The following SPECC1 variants were observed in gnomAD, a reference collection of about 807,000 sequenced individuals.
SPECC1 encodes the protein cytospin-B.
SPECC1 carries 62 observed loss-of-function variants against 104.1 expected under a neutral mutation model. That is an observed-to-expected ratio of 0.60 (90% CI 0.49 to 0.74). SPECC1 has a LOEUF of 0.74. Ranked by LOEUF, SPECC1 falls within the 30% of genes least tolerant of loss-of-function variation. SPECC1 has a pLI of 0.00. For missense variants in SPECC1, 1,306 were observed against 1,310.5 expected (o/e 1.00, Z 0.05); for synonymous variants, 513 against 501.6 (o/e 1.02, Z -0.30).
intron 8 of SPECC1, among the ~76,000 whole-genome samples, chr17:20,246,459 C>A (rs2018032): frequency 6.6e-6 from 1 of 152,198 alleles, no homozygotes; most frequent in Admixed American, 6.5e-5. Flanking sequence ...CATCACATCT[C>A]TGCACCTGGC....
At chr17:20,135,831 C>T (rs545471235) in intron 3 of SPECC1, among the ~76,000 whole-genome samples, 2 of 152,254 alleles carry the variant, frequency 1.3e-5, no homozygotes, top group Non-Finnish European at 2.9e-5. Flanking sequence ...AAGACTTGCA[C>T]GTAGTCAATG....
chr17:20,052,659 G>A (rs1192632107), intron 1 of SPECC1, among the ~76,000 whole-genome samples: 1 of 152,152 alleles, frequency 6.6e-6, no homozygotes, highest in Non-Finnish European at 1.5e-5. Context: ...AGGTTCTCAG[G>A]CCTAACTGAA....
At chr17:20,188,573 G>A (rs922647218) in intron 3 of SPECC1, among the ~76,000 whole-genome samples, 3 of 152,050 alleles carry the variant, frequency 2.0e-5, no homozygotes, top group Non-Finnish European at 4.4e-5. Context: ...CACCGTGCCC[G>A]GCTTGTATTA....
chr17:20,256,052 T>C (rs1292860456), intron 10 of SPECC1, among the ~76,000 whole-genome samples: 2 of 152,016 alleles, frequency 1.3e-5, no homozygotes, highest in African/African-American at 4.8e-5. Context: ...TAATTTTTTG[T>C]ATTTTTAGTA....
At chr17:20,138,269 T>TA (rs1308188638) in intron 3 of SPECC1, among the ~76,000 whole-genome samples, 1 of 152,118 alleles carries the variant, frequency 6.6e-6, no homozygotes, top group Non-Finnish European at 1.5e-5. Context: ...GCTTGAGTCT[T>TA]AATTTTTTTT....
chr17:20,311,412 T>C (rs774293440), intron 14 of SPECC1, among the ~76,000 whole-genome samples: 8 of 151,912 alleles, frequency 5.3e-5, no homozygotes, highest in Non-Finnish European at 1.0e-4. Flanking sequence ...GTTTTTGAGA[T>C]GGAGTCTTGC....
chr17:20,037,444 C>A (rs144803394), intron 1 of SPECC1, among the ~76,000 whole-genome samples: 170 of 152,062 alleles, frequency 1.1e-3, no homozygotes, highest in African/African-American at 4.0e-3. Flanking sequence ...AGCCACTGCA[C>A]CTGGCCCAGT....
intron 1 of SPECC1, among the ~76,000 whole-genome samples, chr17:20,054,268 G>T (rs1455889449): frequency 1.3e-5 from 2 of 152,172 alleles, no homozygotes; most frequent in Non-Finnish European, 2.9e-5. Context: ...CTTAAGCAAT[G>T]CAGGCAAAGC....
Position 20,096,740 on chromosome 17 carries a change from C to T in SPECC1, c.89C>T (p.Ser30Phe), listed in dbSNP as rs375388628. ...DRVRPLPAAS[S>F]GMKSSKSSTS... is the part of the protein sequence containing the mutation. ...GTGCGGCCTCTGCCTGCAGCCTCTTCCGGCATGAAGAGTTCTAAGTCTTCA... is the reference window on the plus strand; with the variant it reads ...GTGCGGCCTCTGCCTGCAGCCTCTTTCGGCATGAAGAGTTCTAAGTCTTCA... The change falls in exon 2 of 15, where the codon TCC (serine) becomes TTC (phenylalanine). Residue 30 changes from serine (S) to phenylalanine (F), a missense_variant. Physicochemically the swap from Ser to Phe is radical, Grantham distance 155. Transcript: ENST00000395527. The T allele has an allele frequency of 3.1e-6, 5 of 1,614,098 alleles. No individual in the cohort carries two copies. The South Asian group carries it at 3.3e-5, about 11-fold the overall frequency.
rs146046713 is a variant in SPECC1 at position 20,174,381 on chromosome 17, T to C, written c.284-29952T>C. ...GCAGTTAGGAGATAATTGATCTTCCTGGTTACTTCCCAGGGAAGCAGGACT... is the reference window on the plus strand; with the variant it reads ...GCAGTTAGGAGATAATTGATCTTCCCGGTTACTTCCCAGGGAAGCAGGACT... On this transcript the variant is annotated intron_variant, in intron 3 of 14. Transcript: ENST00000395527. Among the ~76,000 whole-genome samples, 457 of 152,342 alleles carry C rather than the reference T, an allele frequency of 3.0e-3. 1 individual carries two copies. The highest frequency in any genetic ancestry group is 6.8e-3 in the Middle Eastern group (2 of 294).
At chr17:20,045,685 A>G (rs574920541) in intron 1 of SPECC1, among the ~76,000 whole-genome samples, 2 of 152,202 alleles carry the variant, frequency 1.3e-5, no homozygotes, top group South Asian at 2.1e-4. Flanking sequence ...GGTACATCCT[A>G]GCTCTCAGCA....
At chr17:20,084,532 A>T (rs1228682715) in intron 1 of SPECC1, among the ~76,000 whole-genome samples, 1 of 152,192 alleles carries the variant, frequency 6.6e-6, no homozygotes, top group Non-Finnish European at 1.5e-5. Context: ...TTTTGCAGAT[A>T]TTTCCCTTCC....
intron 1 of SPECC1, among the ~76,000 whole-genome samples, chr17:20,039,095 C>T (rs1371248420): frequency 6.6e-6 from 1 of 152,216 alleles, no homozygotes; most frequent in Non-Finnish European, 1.5e-5. Flanking sequence ...TTAACTGTCA[C>T]CTTCTCCCTC....
At chr17:20,173,189 T>C (rs1362253809) in intron 3 of SPECC1, among the ~76,000 whole-genome samples, 1 of 152,130 alleles carries the variant, frequency 6.6e-6, no homozygotes, top group African/African-American at 2.4e-5. Flanking sequence ...AGGGAAACAA[T>C]AACTAGAATA....
At chr17:20,280,526 C>T (rs2040729742) in intron 12 of SPECC1, among the ~76,000 whole-genome samples, 2 of 152,314 alleles carry the variant, frequency 1.3e-5, no homozygotes, top group South Asian at 4.1e-4. Flanking sequence ...ATGCCACCAT[C>T]TGCATAAAAG....
At chr17:20,156,170 G>A in intron 3 of SPECC1, 1 of 1,441,154 alleles carries the variant, frequency 6.9e-7, no homozygotes, top group Non-Finnish European at 9.1e-7. Flanking sequence ...AGGCCGGCAA[G>A]CCGGCTGGTG....
intron 7 of SPECC1, chr17:20,236,944 C>G (rs774292773): frequency 8.7e-6 from 14 of 1,612,364 alleles, no homozygotes; most frequent in Non-Finnish European, 1.2e-5. Context: ...GCAGCCATCT[C>G]TAGATGAAAG....
chr17:20,299,651 C>G (rs918223258), intron 13 of SPECC1, among the ~76,000 whole-genome samples: 17 of 151,666 alleles, frequency 1.1e-4, no homozygotes, highest in African/African-American at 3.9e-4. Flanking sequence ...CATGCCTATC[C>G]AAGTTAACAC....
intron 3 of SPECC1, among the ~76,000 whole-genome samples, chr17:20,122,700 C>G (rs1179618314): frequency 6.6e-6 from 1 of 152,098 alleles, no homozygotes. Flanking sequence ...TCTGACTGCT[C>G]TCAGTTCCTC....
Sources: allele counts gnomAD v4.1 joint callset (sites outside exome capture counted in the v4.1 genomes callset), GRCh38; gene constraint gnomAD v4.1.1; transcripts MANE v1.5; gene names NCBI Gene and HGNC (gene_info 2026-07-23, HGNC 2026-07-21).